The following ZNF566 variants were observed in gnomAD, a reference collection of about 807,000 sequenced individuals.
ZNF566 encodes zinc finger protein 566.
ZNF566 carries 27 observed loss-of-function variants against 32.8 expected under a neutral mutation model. The ratio of observed to expected loss-of-function variants is 0.82; its 90% confidence interval spans 0.61 to 1.14. The LOEUF (loss-of-function observed/expected upper bound fraction) is 1.14. ZNF566 is among the 50% of genes most tolerant of loss of function. The probability of loss-of-function intolerance (pLI) is 0.00; values close to 1 mark genes in which losing one functional copy is unlikely to be tolerated. For missense variants in ZNF566, 402 were observed against 490.4 expected, an observed-to-expected ratio of 0.82 and a Z score of 1.70; for synonymous variants, 154 against 159.5, an observed-to-expected ratio of 0.97 and a Z score of 0.26.
intron 4 of ZNF566, among the ~76,000 whole-genome samples, chr19:36,471,752 TTTC>T (rs2033771479): frequency 6.6e-6 from 1 of 152,106 alleles, no homozygotes; most frequent in African/African-American, 2.4e-5. Context: ...TGTTCTTTTT[TTTC>T]TTTTTTTGAG....
At chr19:36,481,472 GGAA>G (rs1224732763) in intron 1 of ZNF566, among the ~76,000 whole-genome samples, 1 of 76,320 alleles carries the variant, frequency 1.3e-5, no homozygotes, top group Non-Finnish European at 2.8e-5. Context: ...CACTGTCTCG[GGAA>G]AAAAAAAAAA....
intron 4 of ZNF566, among the ~76,000 whole-genome samples, chr19:36,465,251 A>G (rs2033582671): frequency 1.3e-5 from 2 of 152,346 alleles, no homozygotes; most frequent in South Asian, 4.1e-4. Context: ...TCATAAGGAA[A>G]GATGGTGGAA....
chr19:36,470,653 G>A (rs1209278761), intron 4 of ZNF566, among the ~76,000 whole-genome samples: 5 of 152,184 alleles, frequency 3.3e-5, no homozygotes, highest in Admixed American at 2.6e-4. Context: ...GCTCACACCT[G>A]TTATCCCAGC....
At chr19:36,479,723 C>T (rs1051739008) in intron 1 of ZNF566, among the ~76,000 whole-genome samples, 1 of 152,238 alleles carries the variant, frequency 6.6e-6, no homozygotes, top group African/African-American at 2.4e-5. Flanking sequence ...TAGCCTCAAC[C>T]TGTGGGGCTC....
chr19:36,480,354 G>C (rs1276410349), intron 1 of ZNF566, among the ~76,000 whole-genome samples: 1 of 148,322 alleles, frequency 6.7e-6, no homozygotes, highest in Non-Finnish European at 1.5e-5. Context: ...GCAAGATCTT[G>C]GTTTACTGTA....
Position 36,477,528 on chromosome 19 carries a change from TTTTTTTTTG to T in ZNF566, c.-59-921_-59-913del, listed in dbSNP as rs1274292368. Among the ~76,000 whole-genome samples the T allele has an allele frequency of 1.9e-5, 2 of 106,928 alleles. 1 individual carries two copies. The highest frequency in any genetic ancestry group is 7.4e-5 in the African/African-American group (2 of 26,998). 70.1% of individuals were successfully genotyped at this position (106,928 alleles called of 152,430 possible). ...GGTCAAACCAGTTTTCTGTTTCTGT[TTTTTTTTTG>T]TTTGTTTGTTTGTTTTTTTGAGACG... On this transcript the variant is annotated intron_variant, in intron 1 of 4. Coordinates refer to ENST00000452939, the MANE Select transcript of ZNF566 (RefSeq NM_001145344.1).
intron 4 of ZNF566, among the ~76,000 whole-genome samples, chr19:36,463,537 C>CTTTTT (rs56787323): frequency 1.0e-4 from 11 of 106,290 alleles, no homozygotes; most frequent in Non-Finnish European, 1.2e-4. Context: ...AATGTAATTT[C>CTTTTT]TTTTTTTTTT....
intron 4 of ZNF566, 96 bp downstream of exon 4, chr19:36,472,815 G>GGCCAAA (rs1319757232): frequency 1.0e-6 from 1 of 979,872 alleles, no homozygotes; most frequent in Non-Finnish European, 1.5e-6. Flanking sequence ...TTGCACAACA[G>GGCCAAA]GCCAAAAGCC....
At chr19:36,474,146 A>C (rs2145688685) in intron 2 of ZNF566, among the ~76,000 whole-genome samples, 1 of 152,358 alleles carries the variant, frequency 6.6e-6, no homozygotes, top group African/African-American at 2.4e-5. Context: ...GAGTAAACAA[A>C]AAAAGAAGAC....
rs781174801 is a variant in ZNF566 at position 36,449,067 on chromosome 19, A to G, written c.1167T>C (p.His389=). ...TATATTCATAGGGTTTCTCACTAGTATGAATTCTATGATGACTAATAAGCT... is the reference window on the plus strand; with the variant it reads ...TATATTCATAGGGTTTCTCACTAGTGTGAATTCTATGATGACTAATAAGCT... ...SSQLISHHRI[H]TSEKPYEYRE... is the part of the protein sequence containing the mutation. The change falls in exon 5 of 5, where the codon CAT becomes CAC. Residue 389 remains histidine, a synonymous_variant. Coordinates refer to ENST00000452939, the MANE Select transcript of ZNF566 (RefSeq NM_001145344.1). The G allele has an allele frequency of 3.7e-6, 6 of 1,613,804 alleles. No individual in the cohort carries two copies.
chr19:36,486,121 T>C (rs917487688), intron 1 of ZNF566, among the ~76,000 whole-genome samples: 10 of 152,046 alleles, frequency 6.6e-5, no homozygotes, highest in Non-Finnish European at 1.2e-4. Context: ...GCCAGTACTC[T>C]TCAAAAGTGT....
chr19:36,483,409 G>A (rs1255072926), intron 1 of ZNF566, among the ~76,000 whole-genome samples: 2 of 152,056 alleles, frequency 1.3e-5, no homozygotes, highest in Non-Finnish European at 2.9e-5. Flanking sequence ...TCCAATAAAA[G>A]AAATTAATGC....
In ZNF566 at chr19:36,455,815, C is replaced by T. The variant is rs183456546; in HGVS notation, c.233-5814G>A. Among the ~76,000 whole-genome samples, 405 of 151,532 alleles carry T rather than the reference C, an allele frequency of 2.7e-3. 2 individuals are homozygous for T. Among genetic ancestry groups the T allele is most frequent in the African/African-American group, 9.2e-3 (380 of 41,300 alleles). On this transcript the variant is annotated intron_variant, in intron 4 of 4. Transcript: ENST00000452939. ...CAGCACTTTGGGAGGCCAAGGTGGG[C>T]GGATCATGATGTCAGGAGATCGAGA... is the stretch of plus-strand genomic sequence containing the variant.
chr19:36,466,020 T>C (rs1022136380), intron 4 of ZNF566, among the ~76,000 whole-genome samples: 2 of 151,784 alleles, frequency 1.3e-5, no homozygotes, highest in African/African-American at 4.8e-5. Context: ...AAGGCAATAT[T>C]TGAAGAGATG....
At chr19:36,472,079 G>C (rs2033779396) in intron 4 of ZNF566, among the ~76,000 whole-genome samples, 1 of 152,108 alleles carries the variant, frequency 6.6e-6, no homozygotes, top group Admixed American at 6.6e-5. Context: ...CCTCAGTGTT[G>C]AGAATAGTGC....
intron 4 of ZNF566, among the ~76,000 whole-genome samples, chr19:36,462,371 C>T (rs1427339535): frequency 6.6e-6 from 1 of 151,916 alleles, no homozygotes; most frequent in Non-Finnish European, 1.5e-5. Flanking sequence ...TTTCTAGTTC[C>T]CTGGAGCTCC....
chr19:36,461,453 CTGAGGTCAAGAGTT>C (rs1277591979), intron 4 of ZNF566, among the ~76,000 whole-genome samples: 1 of 152,122 alleles, frequency 6.6e-6, no homozygotes, highest in Non-Finnish European at 1.5e-5. Context: ...GGTGGATCAC[CTGAGGTCAAGAGTT>C]TGAGACCTGG....
At chr19:36,473,815 C>T (rs2033822542) in intron 2 of ZNF566, among the ~76,000 whole-genome samples, 2 of 152,170 alleles carry the variant, frequency 1.3e-5, no homozygotes, top group African/African-American at 2.4e-5. Flanking sequence ...TGATCTTTCT[C>T]CCTCTCTTTT....
rs181187712 is a variant in ZNF566, at chr19:36,448,705, C to T, written c.*272G>A. On this transcript the variant is annotated 3_prime_UTR_variant, in exon 5 of 5. Coordinates refer to ENST00000452939, the MANE Select transcript of ZNF566 (RefSeq NM_001145344.1). ...GAAGGTTAGAAAGGTGTTAAAAGTG[C>T]TGTCATTTTCAGTATGACAGACTGA... 3.4e-4 allele frequency: 94 copies of T among 276,010 alleles called. 1 individual carries two copies. The East Asian group carries it at 5.2e-3, about 15-fold the overall frequency. The allele number at this position is 276,010 out of a possible 1,614,324, so 17.1% of individuals were successfully genotyped here.
Sources: allele counts gnomAD v4.1 joint callset (sites outside exome capture counted in the v4.1 genomes callset), GRCh38; gene constraint gnomAD v4.1.1; transcripts MANE v1.5; gene names NCBI Gene and HGNC (gene_info 2026-07-23, HGNC 2026-07-21).